ALK: variants seen among roughly 807,000 people sequenced by gnomAD.
ALK encodes the protein ALK receptor tyrosine kinase.
Under a neutral mutation model 163.1 loss-of-function variants are expected in ALK, and 74 were observed. The ratio of observed to expected loss-of-function variants is 0.45; its 90% CI spans 0.38 to 0.55. ALK has a LOEUF of 0.55. ALK is among the 20% of genes least tolerant of loss of function. ALK has a pLI of 0.00. For synonymous variants in ALK, 960 were observed against 843.2 expected (o/e 1.14, Z -2.40); for missense variants, 2,063 against 2,105.3 (o/e 0.98, Z 0.39).
intron 1 of ALK, among the ~76,000 whole-genome samples, chr2:29,800,553 G>A (rs921853980): frequency 8.5e-5 from 13 of 152,134 alleles, no homozygotes; most frequent in Admixed American, 5.2e-4. Context: ...ACAACCCCCT[G>A]CAGCTACCAA....
chr2:29,652,035 T>C lies in ALK; in HGVS notation c.952+42815A>G, dbSNP rs144570364. ...GGGAATTTTTAAAAAAATGATACTT[T>C]ACAGAGGGAAAGCTAATACAGAGAG... On this transcript the variant is annotated intron_variant, in intron 3 of 28. Transcript: ENST00000389048. Among the ~76,000 whole-genome samples the C allele has an allele frequency of 3.8e-3, 582 of 152,246 alleles. 6 individuals are homozygous for C. Among genetic ancestry groups the C allele is most frequent in the African/African-American group, 0.013 (535 of 41,574 alleles).
In ALK at chr2:29,200,073, C is replaced by CTTGA. The variant is rs1239626949; in HGVS notation, c.3939-2401_3939-2398dup. ...CAGACTGGAATACATTATTAGATCT[C>CTTGA]TTGATTTTGCTACTTACAAATTGCC... On this transcript the variant is annotated intron_variant, in intron 26 of 28. Coordinates refer to ENST00000389048, the MANE Select transcript of ALK (RefSeq NM_004304.5). Among the ~76,000 whole-genome samples the CTTGA allele has an allele frequency of 8.5e-5, 13 of 152,258 alleles. No homozygotes were observed. In the South Asian group the frequency reaches 2.5e-3, roughly 29 times the overall value.
At chr2:29,337,932 T>C (rs1199388309) in intron 5 of ALK, among the ~76,000 whole-genome samples, 1 of 152,188 alleles carries the variant, frequency 6.6e-6, no homozygotes, top group African/African-American at 2.4e-5. Flanking sequence ...AATGCTGACA[T>C]AGCTTGCAGT....
At chr2:29,641,760 T>C (rs1676708961) in intron 3 of ALK, among the ~76,000 whole-genome samples, 1 of 152,192 alleles carries the variant, frequency 6.6e-6, no homozygotes, top group African/African-American at 2.4e-5. Context: ...GTTATTTCTG[T>C]GGCTTTAAAG....
intron 1 of ALK, among the ~76,000 whole-genome samples, chr2:29,801,306 A>G (rs1352083556): frequency 6.6e-6 from 1 of 152,188 alleles, no homozygotes; most frequent in Non-Finnish European, 1.5e-5. Context: ...TGAAAAACAC[A>G]TAGAATTTTT....
intron 19 of ALK, among the ~76,000 whole-genome samples, chr2:29,225,066 G>A (rs545673230): frequency 1.3e-5 from 2 of 152,330 alleles, no homozygotes; most frequent in South Asian, 4.1e-4. Context: ...CTGGTTTGGG[G>A]AAGAGTGGGC....
At chr2:29,248,758 A>C (rs954345687) in intron 12 of ALK, among the ~76,000 whole-genome samples, 4 of 152,254 alleles carry the variant, frequency 2.6e-5, no homozygotes, top group African/African-American at 9.6e-5. Flanking sequence ...GACTCGACTT[A>C]GATATGGCTG....
At chr2:29,399,840 G>A (rs190101420) in intron 4 of ALK, among the ~76,000 whole-genome samples, 8 of 152,332 alleles carry the variant, frequency 5.3e-5, no homozygotes, top group African/African-American at 1.9e-4. Flanking sequence ...ATTGGTTCTT[G>A]TGGTACTGGG....
At chr2:29,265,958 C>G (rs150292424) in intron 11 of ALK, among the ~76,000 whole-genome samples, 2 of 152,284 alleles carry the variant, frequency 1.3e-5, no homozygotes, top group East Asian at 1.9e-4. Context: ...GCACTCCAGC[C>G]TGGGTGACAA....
chr2:29,546,128 G>A (rs1437667231), intron 3 of ALK, among the ~76,000 whole-genome samples: 3 of 152,148 alleles, frequency 2.0e-5, no homozygotes, highest in Non-Finnish European at 4.4e-5. Context: ...GGAGGAGTAC[G>A]TTTTTATATA....
Position 29,374,343 on chromosome 2 carries a change from C to A in ALK, c.1282+9389G>T, listed in dbSNP as rs542411313. Among the ~76,000 whole-genome samples the A allele has an allele frequency of 3.3e-5, 5 of 152,162 alleles. No homozygotes were observed. The East Asian group carries it at 9.7e-4, about 29-fold the overall frequency. Reference sequence around the variant, plus strand: ...CTCAAAAAGGTGGTGAGCGATGGAGCTGGCATCCAAATACATTCAGTCTGA... The same window carrying A: ...CTCAAAAAGGTGGTGAGCGATGGAGATGGCATCCAAATACATTCAGTCTGA... On this transcript the variant is annotated intron_variant, in intron 5 of 28. Coordinates refer to ENST00000389048, the MANE Select transcript of ALK (RefSeq NM_004304.5).
intron 3 of ALK, among the ~76,000 whole-genome samples, chr2:29,655,513 G>C (rs781392277): frequency 1.7e-4 from 26 of 152,150 alleles, no homozygotes; most frequent in Non-Finnish European, 3.5e-4. Flanking sequence ...GAGTGCATGA[G>C]GAACGCATTC....
At chr2:29,598,084 A>T (rs1276923310) in intron 3 of ALK, among the ~76,000 whole-genome samples, 1 of 152,130 alleles carries the variant, frequency 6.6e-6, no homozygotes, top group Non-Finnish European at 1.5e-5. Context: ...CTGGAGTGCA[A>T]TGGTGCGATC....
At chr2:29,856,005 T>C (rs1372946492) in intron 1 of ALK, among the ~76,000 whole-genome samples, 2 of 152,244 alleles carry the variant, frequency 1.3e-5, no homozygotes, top group African/African-American at 2.4e-5. Flanking sequence ...AGCAGTACTA[T>C]GATGCCTTGC....
At chr2:29,678,394 G>A (rs1677953615) in intron 3 of ALK, among the ~76,000 whole-genome samples, 1 of 151,526 alleles carries the variant, frequency 6.6e-6, no homozygotes, top group African/African-American at 2.4e-5. Context: ...TTAGGTTATA[G>A]ATTTGAGACT....
chr2:29,717,141 C>T (rs993633742), intron 2 of ALK, among the ~76,000 whole-genome samples: 13 of 143,074 alleles, frequency 9.1e-5, no homozygotes, highest in African/African-American at 3.2e-4. Flanking sequence ...CACTGCACTC[C>T]AGCCTGGGCG....
chr2:29,887,063 G>A (rs1375257730), intron 1 of ALK, among the ~76,000 whole-genome samples: 3 of 152,152 alleles, frequency 2.0e-5, no homozygotes, highest in Admixed American at 2.0e-4. Context: ...ATTTTACTGG[G>A]CCTACAGTTA....
intron 26 of ALK, among the ~76,000 whole-genome samples, chr2:29,203,307 CA>C (rs200217240): frequency 6.8e-6 from 1 of 146,644 alleles, no homozygotes; most frequent in Non-Finnish European, 1.5e-5. Context: ...TCCAGGCTTT[CA>C]AAATGTGGAG....
At chr2:29,517,743 T>G (rs1672709892) in intron 4 of ALK, among the ~76,000 whole-genome samples, 1 of 152,220 alleles carries the variant, frequency 6.6e-6, no homozygotes, top group African/African-American at 2.4e-5. Flanking sequence ...TTCCAGAACA[T>G]CACTTAATTT....
Sources: allele counts gnomAD v4.1 joint callset (sites outside exome capture counted in the v4.1 genomes callset), GRCh38; gene constraint gnomAD v4.1.1; transcripts MANE v1.5; gene names NCBI Gene and HGNC (gene_info 2026-07-23, HGNC 2026-07-21).